The following OR3A2 variants were observed in gnomAD, a reference collection of about 807,000 sequenced individuals.
OR3A2 encodes the protein olfactory receptor family 3 subfamily A member 2.
For missense variants in OR3A2, 318 were observed against 392.8 expected (o/e 0.81, Z 1.61); for synonymous variants, 126 against 159.3 (o/e 0.79, Z 1.57).
At chr17:3,342,985 G>T (rs1026830466) in intron 2 of OR3A2, among the ~76,000 whole-genome samples, 1 of 152,212 alleles carries the variant, frequency 6.6e-6, no homozygotes. Flanking sequence ...CTCCAGCCAG[G>T]CTTGCCGCCT....
intron 2 of OR3A2, among the ~76,000 whole-genome samples, chr17:3,361,163 T>G (rs2049511507): frequency 1.3e-5 from 2 of 150,704 alleles, no homozygotes; most frequent in East Asian, 1.9e-4. Context: ...CCTAGGTATT[T>G]TATTCTCTTT....
intron 1 of OR3A2, 166 bp downstream of exon 1, chr17:3,385,959 C>G (rs927427217): frequency 1.5e-5 from 6 of 397,412 alleles, no homozygotes; most frequent in Admixed American, 4.5e-5. Context: ...CATCTGCCCC[C>G]GTGTTCCTCC....
chr17:3,384,075 G>A (rs2049760458), intron 1 of OR3A2, among the ~76,000 whole-genome samples: 3 of 152,014 alleles, frequency 2.0e-5, no homozygotes, highest in Non-Finnish European at 1.5e-5. Context: ...ACAGTGAGAT[G>A]TAGCTCCTTC....
intron 3 of OR3A2, among the ~76,000 whole-genome samples, chr17:3,289,666 C>T (rs933167376): frequency 3.9e-5 from 6 of 152,178 alleles, no homozygotes; most frequent in African/African-American, 9.7e-5. Context: ...AGAGAAATCT[C>T]GCAGTGGAAG....
At chr17:3,378,291 G>GA (rs1331474941) in intron 2 of OR3A2, among the ~76,000 whole-genome samples, 5 of 152,236 alleles carry the variant, frequency 3.3e-5, no homozygotes, top group African/African-American at 9.6e-5. Flanking sequence ...CCAAAGTCTG[G>GA]AGGGGGCAGA....
chr17:3,341,642 C>G (rs2049319937), intron 2 of OR3A2, among the ~76,000 whole-genome samples: 2 of 152,340 alleles, frequency 1.3e-5, no homozygotes, highest in African/African-American at 4.8e-5. Context: ...CACTGTTAGT[C>G]TGATGGGCTT....
intron 3 of OR3A2, among the ~76,000 whole-genome samples, chr17:3,325,110 T>C (rs1005743943): frequency 6.6e-6 from 1 of 151,702 alleles, no homozygotes; most frequent in Non-Finnish European, 1.5e-5. Context: ...TTATGTTTTA[T>C]ACTTTCATAT....
upstream of OR3A2, among the ~76,000 whole-genome samples, chr17:3,286,469 T>C (rs2048814583): frequency 2.0e-5 from 3 of 152,228 alleles, no homozygotes; most frequent in Non-Finnish European, 4.4e-5. Context: ...TTTCTAGTTC[T>C]AGATCCTTGA....
chr17:3,281,273 C>A (rs191352974), intron 1 of OR3A2, among the ~76,000 whole-genome samples: 39 of 148,078 alleles, frequency 2.6e-4, no homozygotes, highest in African/African-American at 9.3e-4. Flanking sequence ...CTCCCTCTGT[C>A]ACCAGGCTGG....
At chr17:3,280,992 T>A (rs1199787491) in intron 1 of OR3A2, among the ~76,000 whole-genome samples, 1 of 152,012 alleles carries the variant, frequency 6.6e-6, no homozygotes, top group Non-Finnish European at 1.5e-5. Flanking sequence ...GACTGTGCAG[T>A]GTTTAGGTGG....
At chr17:3,316,566 G>A (rs777537762) in intron 3 of OR3A2, among the ~76,000 whole-genome samples, 4 of 152,156 alleles carry the variant, frequency 2.6e-5, no homozygotes, top group Non-Finnish European at 5.9e-5. Flanking sequence ...TATTTACAAA[G>A]CAATTTTAAA....
chr17:3,306,652 A>G (rs910044889), intron 3 of OR3A2, among the ~76,000 whole-genome samples: 1 of 144,566 alleles, frequency 6.9e-6, no homozygotes, highest in African/African-American at 2.6e-5. Flanking sequence ...GGGAGAGTGC[A>G]GGGGATCACT....
chr17:3,349,034 C>T (rs1160053056), intron 2 of OR3A2, among the ~76,000 whole-genome samples: 7 of 152,098 alleles, frequency 4.6e-5, no homozygotes, highest in Non-Finnish European at 1.0e-4. Flanking sequence ...GAAGGAAGTG[C>T]TAAACATGGA....
chr17:3,291,529 C>T (rs1180380038), intron 3 of OR3A2: 6 of 808,878 alleles, frequency 7.4e-6, no homozygotes, highest in African/African-American at 5.2e-5. Context: ...CCTTCTTATG[C>T]CCATGAAACA....
chr17:3,377,367 A>G (rs916779516), intron 2 of OR3A2, among the ~76,000 whole-genome samples: 2 of 152,222 alleles, frequency 1.3e-5, no homozygotes, highest in African/African-American at 4.8e-5. Flanking sequence ...AATAAAGGCA[A>G]TGTCTGGTAG....
intron 1 of OR3A2, among the ~76,000 whole-genome samples, chr17:3,281,459 C>A (rs113732259): frequency 7.2e-5 from 11 of 152,192 alleles, no homozygotes; most frequent in Non-Finnish European, 1.2e-4. Flanking sequence ...TGGTGTCGAT[C>A]TCTTGACCTT....
At chr17:3,318,128 T>C (rs1000787429) in intron 3 of OR3A2, among the ~76,000 whole-genome samples, 4 of 152,142 alleles carry the variant, frequency 2.6e-5, no homozygotes, top group African/African-American at 7.2e-5. Context: ...AGGGCTAGGA[T>C]TGGGGAGTTA....
intron 2 of OR3A2, among the ~76,000 whole-genome samples, chr17:3,364,823 CA>C (rs2049549222): frequency 6.6e-6 from 1 of 151,804 alleles, no homozygotes; most frequent in Admixed American, 6.6e-5. Context: ...TCACAGTAGC[CA>C]AGATATGGAA....
chr17:3,348,926 A>T (rs1426000984), intron 2 of OR3A2, among the ~76,000 whole-genome samples: 2 of 152,070 alleles, frequency 1.3e-5, no homozygotes, highest in African/African-American at 4.8e-5. Flanking sequence ...ATATCCAGCC[A>T]AACTAAGCTT....
Sources: allele counts gnomAD v4.1 joint callset (sites outside exome capture counted in the v4.1 genomes callset), GRCh38; gene constraint gnomAD v4.1.1; transcripts MANE v1.5; gene names NCBI Gene and HGNC (gene_info 2026-07-23, HGNC 2026-07-21).